CACNA2D3: variants seen among roughly 807,000 people sequenced by gnomAD.
CACNA2D3 encodes the protein voltage-dependent calcium channel subunit alpha-2/delta-3.
In CACNA2D3, 60 loss-of-function variants were observed where a neutral mutation model predicts 160.6. The ratio of observed to expected loss-of-function variants is 0.37; its 90% CI spans 0.30 to 0.46. CACNA2D3 has a LOEUF of 0.46. Among genes scored for constraint, CACNA2D3 ranks in the 20% least tolerant of loss-of-function variants. The pLI is 1.00. For synonymous variants in CACNA2D3, 558 were observed against 492.9 expected (o/e 1.13, Z -1.75); for missense variants, 1,205 against 1,365.0 (o/e 0.88, Z 1.85).
At chr3:54,800,569 G>A (rs533841410) in intron 13 of CACNA2D3, among the ~76,000 whole-genome samples, 1 of 152,270 alleles carries the variant, frequency 6.6e-6, no homozygotes, top group East Asian at 1.9e-4. Context: ...ATTATAATGA[G>A]CAAAATGTGG....
chr3:54,348,557 A>G (rs898452047), intron 3 of CACNA2D3, among the ~76,000 whole-genome samples: 3 of 152,228 alleles, frequency 2.0e-5, no homozygotes, highest in Non-Finnish European at 4.4e-5. Context: ...GAAGCACACT[A>G]TCAGGACTCT....
rs1559503808 is a variant in CACNA2D3 at position 54,522,925 on chromosome 3, T to TTACTTACTTAC, written c.544+19272_544+19273insACTTACTTACT. On this transcript the variant is annotated intron_variant, in intron 5 of 37. Coordinates refer to ENST00000474759, the MANE Select transcript of CACNA2D3 (RefSeq NM_018398.3). ...AAAGCACCATTTATTTATTTATTTATTTATTTATTTACTTACTTACTTACT... is the reference window on the plus strand; with the variant it reads ...AAAGCACCATTTATTTATTTATTTATTACTTACTTACTTATTTATTTACTTACTTACTTACT... Among the ~76,000 whole-genome samples, 5 of 107,414 alleles carry TTACTTACTTAC rather than the reference T, an allele frequency of 4.7e-5. No homozygotes were observed. The East Asian group carries it at 9.8e-4, about 21-fold the overall frequency. 70.5% of individuals were successfully genotyped at this position (107,414 alleles called of 152,430 possible). A position where few individuals can be genotyped will look rare whatever the true frequency, so the allele number is the denominator to read the frequency against.
intron 2 of CACNA2D3, among the ~76,000 whole-genome samples, chr3:54,282,136 G>T (rs1702895731): frequency 1.3e-5 from 2 of 152,168 alleles, no homozygotes; most frequent in African/African-American, 4.8e-5. Context: ...CAGAATTCCA[G>T]TTTGTTAAAA....
At chr3:54,810,554 A>G (rs1483601855) in intron 13 of CACNA2D3, among the ~76,000 whole-genome samples, 1 of 152,226 alleles carries the variant, frequency 6.6e-6, no homozygotes, top group Non-Finnish European at 1.5e-5. Flanking sequence ...GCAGGGATTG[A>G]TCATTCATTC....
At chr3:54,206,944 A>T (rs1445632544) in intron 2 of CACNA2D3, among the ~76,000 whole-genome samples, 1 of 152,174 alleles carries the variant, frequency 6.6e-6, no homozygotes, top group African/African-American at 2.4e-5. Flanking sequence ...GGTCCCTCTC[A>T]TCTGTAGGCT....
chr3:54,888,196 T>C lies in CACNA2D3; in HGVS notation c.2150+144T>C, dbSNP rs1278528000. On this transcript the variant is annotated intron_variant, in intron 24 of 37. Coordinates refer to ENST00000474759, the MANE Select transcript of CACNA2D3 (RefSeq NM_018398.3). ...CCCCCAAGCTCCAAACCACAAGAGCTAGAGCAGATTAGCGGCTCGGGCTTG... is the reference window on the plus strand; with the variant it reads ...CCCCCAAGCTCCAAACCACAAGAGCCAGAGCAGATTAGCGGCTCGGGCTTG... 4.7e-6 allele frequency: 3 copies of C among 640,680 alleles called. No individual in the cohort carries two copies. In the Admixed American group the frequency reaches 8.5e-5, roughly 18 times the overall value. 39.7% of individuals were successfully genotyped at this position (640,680 alleles called of 1,614,324 possible).
chr3:54,392,637 T>C (rs970053649), intron 4 of CACNA2D3, among the ~76,000 whole-genome samples: 1 of 151,962 alleles, frequency 6.6e-6, no homozygotes, highest in East Asian at 1.9e-4. Context: ...CTTGCAAATG[T>C]AGTGGCCTGA....
chr3:54,815,696 C>T (rs548104321), intron 13 of CACNA2D3, among the ~76,000 whole-genome samples: 7 of 152,242 alleles, frequency 4.6e-5, no homozygotes, highest in South Asian at 2.1e-4. Context: ...ATCTATGGGA[C>T]GTTGTATAAT....
chr3:54,818,676 C>T (rs897385654), intron 14 of CACNA2D3, among the ~76,000 whole-genome samples: 1 of 152,200 alleles, frequency 6.6e-6, no homozygotes, highest in Non-Finnish European at 1.5e-5. Context: ...GGTACCTCAG[C>T]TGGCTTCCTA....
intron 5 of CACNA2D3, among the ~76,000 whole-genome samples, chr3:54,536,568 G>GC (rs1006429761): frequency 7.9e-5 from 12 of 152,298 alleles, no homozygotes; most frequent in African/African-American, 2.2e-4. Flanking sequence ...CAGGGTGACC[G>GC]CATGTCCCCA....
At chr3:54,811,476 T>A (rs75463596) in intron 13 of CACNA2D3, among the ~76,000 whole-genome samples, 4,096 of 13,286 alleles carry the variant, frequency 0.31, 299 homozygotes, top group African/African-American at 0.37. Context: ...TTTTTTTTTT[T>A]TTTTTTTTTT....
intron 5 of CACNA2D3, among the ~76,000 whole-genome samples, chr3:54,519,967 G>A (rs984456095): frequency 4.6e-5 from 7 of 152,234 alleles, no homozygotes; most frequent in African/African-American, 1.7e-4. Flanking sequence ...GTGAAGCAAA[G>A]AGTTTGAACA....
At chr3:54,923,762 C>T (rs367698901) in intron 27 of CACNA2D3, among the ~76,000 whole-genome samples, 2 of 152,154 alleles carry the variant, frequency 1.3e-5, no homozygotes, top group South Asian at 2.1e-4. Context: ...TCTGTTCTCA[C>T]CTGGGCTTCT....
intron 35 of CACNA2D3, among the ~76,000 whole-genome samples, chr3:55,039,359 A>T (rs1703909833): frequency 6.6e-6 from 1 of 152,146 alleles, no homozygotes; most frequent in Non-Finnish European, 1.5e-5. Flanking sequence ...AAAAATTCTG[A>T]TTTGATGCAC....
At chr3:54,228,972 C>T (rs1701721769) in intron 2 of CACNA2D3, among the ~76,000 whole-genome samples, 3 of 152,186 alleles carry the variant, frequency 2.0e-5, no homozygotes, top group East Asian at 1.9e-4. Flanking sequence ...ACCTCCAGGG[C>T]GCTGGGTATC....
intron 4 of CACNA2D3, among the ~76,000 whole-genome samples, chr3:54,406,280 A>G (rs1313340401): frequency 1.3e-5 from 2 of 152,170 alleles, no homozygotes; most frequent in African/African-American, 4.8e-5. Context: ...AATAGCCATG[A>G]TAGAGAAACA....
intron 3 of CACNA2D3, among the ~76,000 whole-genome samples, chr3:54,334,080 T>A (rs7434239): frequency 0.66 from 100,608 of 151,650 alleles, 33,862 homozygotes; most frequent in Non-Finnish European, 0.74. Context: ...TTTTATGTGT[T>A]GACTTTTTAA....
chr3:54,517,637 C>T lies in CACNA2D3; in HGVS notation c.544+13983C>T, dbSNP rs561344091. Among the ~76,000 whole-genome samples the T allele has an allele frequency of 5.9e-5, 9 of 152,312 alleles. No individual in the cohort carries two copies. In the South Asian group the frequency reaches 1.2e-3, roughly 21 times the overall value. On this transcript the variant is annotated intron_variant, in intron 5 of 37. Coordinates refer to ENST00000474759, the MANE Select transcript of CACNA2D3 (RefSeq NM_018398.3). Reference sequence around the variant, plus strand: ...ATATAACGTGGTTTACTGACAGTGACGTCAGCAGTAGGTAAATGTGCGTCT... The same window carrying T: ...ATATAACGTGGTTTACTGACAGTGATGTCAGCAGTAGGTAAATGTGCGTCT...
chr3:54,816,832 T>C (rs781550895), intron 13 of CACNA2D3, 21 bp from the exon 14 acceptor site: 1 of 1,611,876 alleles, frequency 6.2e-7, no homozygotes, highest in Non-Finnish European at 8.5e-7. Flanking sequence ...TTTTTTGTTT[T>C]GTTTTGTTTT....
Sources: gnomAD v4.1 joint callset for allele counts (sites outside exome capture counted in the v4.1 genomes callset) on GRCh38, gnomAD v4.1.1 for gene constraint, MANE v1.5 for transcripts, NCBI Gene and HGNC (gene_info 2026-07-23, HGNC 2026-07-21) for gene names.